Variants in FAM114A1 observed in about 807,000 individuals in gnomAD.
The protein encoded by FAM114A1 is protein NOXP20.
Under a neutral mutation model 64.3 loss-of-function variants are expected in FAM114A1, and 62 were observed. That is an observed-to-expected ratio of 0.96 (90% CI 0.79 to 1.19). The LOEUF (loss-of-function observed/expected upper bound fraction) is 1.19, where lower values mean the gene tolerates loss of function less well. Among genes scored for constraint, FAM114A1 ranks in the 50% most tolerant of loss-of-function variants. FAM114A1 has a pLI of 0.00. For missense variants in FAM114A1, 645 were observed against 676.3 expected (o/e 0.95, Z 0.51); for synonymous variants, 254 against 251.1 (o/e 1.01, Z -0.11).
At chr4:38,927,969 A>G (rs12504153) in intron 9 of FAM114A1, among the ~76,000 whole-genome samples, 10,719 of 152,316 alleles carry the variant, frequency 0.07, 462 homozygotes, top group Middle Eastern at 0.26. Context: ...GGCGTGAGCC[A>G]CCGTGCCTGG....
intron 2 of FAM114A1, among the ~76,000 whole-genome samples, chr4:38,868,949 T>C (rs529673841): frequency 8.5e-5 from 13 of 152,214 alleles, no homozygotes; most frequent in African/African-American, 2.2e-4. Flanking sequence ...AGGGATGGAT[T>C]TGAGGCACAA....
chr4:38,929,457 G>A (rs1720447295), intron 10 of FAM114A1, 124 bp downstream of exon 10: 15 of 722,238 alleles, frequency 2.1e-5, no homozygotes, highest in African/African-American at 3.6e-5. Context: ...GCATAGTGCC[G>A]GGAGAGGAGT....
At chr4:38,902,126 T>C (rs550832764) in intron 4 of FAM114A1, among the ~76,000 whole-genome samples, 30 of 152,278 alleles carry the variant, frequency 2.0e-4, no homozygotes, top group African/African-American at 6.5e-4. Flanking sequence ...AAGGACTGAG[T>C]TGGAATCCTG....
At chr4:38,933,668 G>C (rs1018879008) in intron 12 of FAM114A1, among the ~76,000 whole-genome samples, 1 of 152,128 alleles carries the variant, frequency 6.6e-6, no homozygotes, top group African/African-American at 2.4e-5. Flanking sequence ...AGTTGGTATG[G>C]AGCTGAAAAA....
At chr4:38,938,267 A>G (rs532166982) in intron 13 of FAM114A1, among the ~76,000 whole-genome samples, 114 of 152,226 alleles carry the variant, frequency 7.5e-4, no homozygotes, top group Non-Finnish European at 1.1e-3. Context: ...CCTCCTCCTC[A>G]GGCCAAGAGC....
At chr4:38,909,418 TGCAAGGATG>T (rs1228587102) in intron 7 of FAM114A1, among the ~76,000 whole-genome samples, 1 of 152,226 alleles carries the variant, frequency 6.6e-6, no homozygotes. Flanking sequence ...TCTTGATATG[TGCAAGGATG>T]GTCTTCTCCT....
At chr4:38,883,750 G>A (rs948054434) in intron 3 of FAM114A1, among the ~76,000 whole-genome samples, 4 of 152,164 alleles carry the variant, frequency 2.6e-5, no homozygotes, top group African/African-American at 9.7e-5. Flanking sequence ...AGTTTTCTCC[G>A]GTTCTGTTTG....
At chr4:38,888,231 C>A (rs979886258) in intron 3 of FAM114A1, among the ~76,000 whole-genome samples, 1 of 151,496 alleles carries the variant, frequency 6.6e-6, no homozygotes, top group Non-Finnish European at 1.5e-5. Context: ...ATTTAAAGAA[C>A]GTTGAACTTG....
intron 7 of FAM114A1, among the ~76,000 whole-genome samples, chr4:38,910,425 T>C (rs529136084): frequency 1.3e-5 from 2 of 152,208 alleles, no homozygotes; most frequent in Non-Finnish European, 2.9e-5. Context: ...GGGGCTCTCA[T>C]GGCTAGCACA....
chr4:38,945,735 C>G lies in FAM114A1; in HGVS notation c.*2178C>G, dbSNP rs1721912707. The G allele has an allele frequency of 6.6e-6, 1 of 152,072 alleles. No individual in the cohort carries two copies. Among genetic ancestry groups the G allele is most frequent in the Non-Finnish European group, 1.5e-5 (1 of 68,014 alleles). The allele number at this position is 152,072 out of a possible 1,614,324, so 9.4% of individuals were successfully genotyped here. On this transcript the variant is annotated 3_prime_UTR_variant, in exon 15 of 15. Coordinates refer to ENST00000358869, the MANE Select transcript of FAM114A1 (RefSeq NM_138389.4). ...TGAGAAATCAATTAAAGATTTTTCC[C>G]CTTTTCTGATTGCCAGAAATGTTTT...
In FAM114A1 at chr4:38,905,608, C is replaced by T. The variant is rs377135625; in HGVS notation, c.523C>T (p.Pro175Ser). 7.4e-6 allele frequency: 12 copies of T among 1,614,194 alleles called. No homozygotes were observed. Among genetic ancestry groups the T allele is most frequent in the Non-Finnish European group, 1.0e-5 (12 of 1,180,030 alleles). Residue 175 changes from proline to serine, a missense_variant, in exon 5 of 15, where the codon CCA becomes TCA. Coordinates refer to ENST00000358869, the MANE Select transcript of FAM114A1 (RefSeq NM_138389.4). ...VNSGSSEGAQ[P>S]NTENGVPEIT... is the part of the protein sequence containing the mutation. The stretch of plus-strand genomic sequence containing the variant: ...TTCTGGATCTTCTGAAGGAGCCCAA[C>T]CAAATACTGAAAACGGAGTCCCTGA...
At chr4:38,905,036 G>C (rs1471825938) in intron 4 of FAM114A1, among the ~76,000 whole-genome samples, 1 of 152,198 alleles carries the variant, frequency 6.6e-6, no homozygotes, top group Admixed American at 6.5e-5. Flanking sequence ...CCAGGCAGGG[G>C]TGAAACTGAG....
rs755728862 is a variant in FAM114A1, at chr4:38,943,468, A to G, written c.1603A>G (p.Thr535Ala). The G allele has an allele frequency of 6.2e-7, 1 of 1,614,078 alleles. No homozygotes were observed. Among genetic ancestry groups the G allele is most frequent in the African/African-American group, 1.3e-5 (1 of 75,054 alleles). Reference sequence around the variant, plus strand: ...TCTCCTCTCACAGGGCTGCAACAGTACAACGTACATACAGGATGCCTTCCA... The same window carrying G: ...TCTCCTCTCACAGGGCTGCAACAGTGCAACGTACATACAGGATGCCTTCCA... ...SSVLLEGCNS[T>A]TYIQDAFQLL... The change falls in exon 15 of 15, where the codon ACA (threonine) becomes GCA (alanine). Residue 535 changes from threonine to alanine, a missense_variant. Coordinates refer to ENST00000358869, the MANE Select transcript of FAM114A1 (RefSeq NM_138389.4).
At chr4:38,873,288 A>G (rs1004783698) in intron 2 of FAM114A1, among the ~76,000 whole-genome samples, 9 of 152,350 alleles carry the variant, frequency 5.9e-5, no homozygotes, top group African/African-American at 2.2e-4. Flanking sequence ...AATACATTCT[A>G]ACTCAATTAA....
chr4:38,917,188 A>ATAAATAAATAAAT (rs1560317374), intron 8 of FAM114A1, among the ~76,000 whole-genome samples: 1 of 150,344 alleles, frequency 6.7e-6, no homozygotes, highest in Non-Finnish European at 1.5e-5. Context: ...AAATAAATAA[A>ATAAATAAATAAAT]AAAGCTGGGC....
At position 38,923,224 on chromosome 4, in the gene FAM114A1, CT is replaced by C. The variant is rs55688191; in HGVS notation, c.1069+349del. Among the ~76,000 whole-genome samples the C allele has an allele frequency of 7.4e-3, 979 of 131,702 alleles. 8 individuals are homozygous for C. Among genetic ancestry groups the C allele is most frequent in the African/African-American group, 0.02 (692 of 35,076 alleles). The allele number at this position is 131,702 out of a possible 152,430, so 86.4% of individuals were successfully genotyped here. A position where few individuals can be genotyped will look rare whatever the true frequency, so the allele number is the denominator to read the frequency against. ...CTGATGACTAGAGTTTATGCTGCCACTTTTTTTTTTTTTTTTTTGAGATGGA... is the reference window on the plus strand; with the variant it reads ...CTGATGACTAGAGTTTATGCTGCCACTTTTTTTTTTTTTTTTTGAGATGGA... On this transcript the variant is annotated intron_variant, in intron 9 of 14. Coordinates refer to ENST00000358869, the MANE Select transcript of FAM114A1 (RefSeq NM_138389.4).
intron 4 of FAM114A1, among the ~76,000 whole-genome samples, chr4:38,901,416 T>G (rs993375400): frequency 6.6e-6 from 1 of 152,138 alleles, no homozygotes; most frequent in African/African-American, 2.4e-5. Context: ...GCCTCCCAAG[T>G]AGCTGGGATT....
At chr4:38,936,573 G>A (rs1428875773) in intron 13 of FAM114A1, among the ~76,000 whole-genome samples, 7 of 116,814 alleles carry the variant, frequency 6.0e-5, no homozygotes, top group African/African-American at 2.0e-4. Flanking sequence ...TTTTTTTTGA[G>A]ACTGAGTCTC....
At chr4:38,885,573 A>G (rs556153185) in intron 3 of FAM114A1, among the ~76,000 whole-genome samples, 8 of 152,320 alleles carry the variant, frequency 5.3e-5, no homozygotes, top group African/African-American at 1.9e-4. Context: ...CACCGAAGCC[A>G]GCTCCTTGAA....
Sources: gnomAD v4.1 joint callset for allele counts (sites outside exome capture counted in the v4.1 genomes callset) on GRCh38, gnomAD v4.1.1 for gene constraint, MANE v1.5 for transcripts, NCBI Gene and HGNC (gene_info 2026-07-23, HGNC 2026-07-21) for gene names.